The following TRABD2B variants were observed in gnomAD, a reference collection of about 807,000 sequenced individuals.
TRABD2B encodes TraB domain containing 2B, also known as metalloprotease TIKI2.
TRABD2B carries 14 observed loss-of-function variants against 40.1 expected under a neutral mutation model. The ratio of observed to expected loss-of-function variants is 0.35; its 90% CI spans 0.23 to 0.55. TRABD2B has a LOEUF of 0.55. Among genes scored for constraint, TRABD2B ranks in the 20% least tolerant of loss-of-function variants. TRABD2B has a pLI of 0.90. For synonymous variants in TRABD2B, 263 were observed against 277.0 expected (o/e 0.95, Z 0.50); for missense variants, 541 against 648.6 (o/e 0.83, Z 1.80).
intron 2 of TRABD2B, among the ~76,000 whole-genome samples, chr1:47,834,574 C>A (rs1379061662): frequency 7.6e-6 from 1 of 131,334 alleles, no homozygotes; most frequent in Admixed American, 7.8e-5. Flanking sequence ...CACACACACA[C>A]ACGCGCACAC....
chr1:47,826,450 C>G (rs1398561525), intron 2 of TRABD2B, among the ~76,000 whole-genome samples: 1 of 151,776 alleles, frequency 6.6e-6, no homozygotes, highest in African/African-American at 2.4e-5. Flanking sequence ...ATATTTATTT[C>G]AAATAAATAA....
In TRABD2B at chr1:47,813,624, G is replaced by A. The variant is rs1557587504; in HGVS notation, c.667-12005C>T. On this transcript the variant is annotated intron_variant, in intron 2 of 6. Transcript: ENST00000606738. The surrounding 1 kb of genome is among the most constrained non-coding windows in gnomAD (Gnocchi z 4.3). ...CATCTGCCAAGTGGGGTGTATATTT[G>A]TCCTGCCTGCTTGAGACTAGCATTC... 6.6e-6 allele frequency among the ~76,000 whole-genome samples: 1 copy of A among 152,116 alleles called. No individual in the cohort carries two copies. The highest frequency in any genetic ancestry group is 1.5e-5 in the Non-Finnish European group (1 of 68,022).
intron 2 of TRABD2B, among the ~76,000 whole-genome samples, chr1:47,822,670 T>C (rs1169884387): frequency 6.6e-6 from 1 of 152,242 alleles, no homozygotes; most frequent in Admixed American, 6.5e-5. Context: ...CTTTTAATCC[T>C]ATAAGGTAGC....
chr1:47,986,249 G>C (rs922916578), intron 2 of TRABD2B, among the ~76,000 whole-genome samples: 2 of 152,076 alleles, frequency 1.3e-5, no homozygotes, highest in African/African-American at 4.8e-5. Flanking sequence ...ACAAAGTTTT[G>C]ACCAAATGGG....
In TRABD2B at chr1:47,813,830, T is replaced by C. The variant is rs1489395041; in HGVS notation, c.667-12211A>G. On this transcript the variant is annotated intron_variant, in intron 2 of 6. Transcript: ENST00000606738. The surrounding 1 kb of genome is among the most constrained non-coding windows in gnomAD (Gnocchi z 4.3). ...TTTCCGTTCTCTCTTCAGTCTTCAG[T>C]ATGGACTAGTGCTAGGCTCTGTGCT... is the stretch of plus-strand genomic sequence containing the variant. Among the ~76,000 whole-genome samples, 1 of 152,210 alleles carries C rather than the reference T, an allele frequency of 6.6e-6. No individual in the cohort carries two copies. The highest frequency in any genetic ancestry group is 6.5e-5 in the Admixed American group (1 of 15,284).
chr1:47,975,900 C>T (rs951280269), intron 2 of TRABD2B, among the ~76,000 whole-genome samples: 1 of 152,136 alleles, frequency 6.6e-6, no homozygotes, highest in Non-Finnish European at 1.5e-5. Flanking sequence ...AGAGGAAGGA[C>T]AGAGGGCACC....
chr1:47,908,293 C>G (rs955070762), intron 2 of TRABD2B, among the ~76,000 whole-genome samples: 4 of 152,250 alleles, frequency 2.6e-5, no homozygotes, highest in South Asian at 2.1e-4. Flanking sequence ...GGGTATCCCA[C>G]CAGATGGTGG....
chr1:47,815,321 C>T (rs543380390), intron 2 of TRABD2B, among the ~76,000 whole-genome samples: 2 of 152,288 alleles, frequency 1.3e-5, no homozygotes, highest in South Asian at 2.1e-4. Context: ...GCAGGTCTGA[C>T]CTGGGAGGGC....
chr1:47,886,671 T>C (rs1419761713), intron 2 of TRABD2B, among the ~76,000 whole-genome samples: 1 of 152,224 alleles, frequency 6.6e-6, no homozygotes, highest in Middle Eastern at 3.2e-3. Flanking sequence ...TTCATTCTTC[T>C]ATTCCTTCAG....
intron 2 of TRABD2B, among the ~76,000 whole-genome samples, chr1:47,990,457 C>T (rs568990362): frequency 6.6e-6 from 1 of 152,022 alleles, no homozygotes; most frequent in East Asian, 1.9e-4. Context: ...AGGGGCTCAC[C>T]GCCTCCTAAT....
chr1:47,908,671 C>A (rs545120224), intron 2 of TRABD2B, among the ~76,000 whole-genome samples: 1 of 152,234 alleles, frequency 6.6e-6, no homozygotes, highest in Non-Finnish European at 1.5e-5. Flanking sequence ...CCAAGCCTCT[C>A]TGGCCTTTTC....
chr1:47,863,742 CT>C (rs1179632648), intron 2 of TRABD2B, among the ~76,000 whole-genome samples: 1 of 152,160 alleles, frequency 6.6e-6, no homozygotes, highest in Non-Finnish European at 1.5e-5. Flanking sequence ...AATCATACTC[CT>C]TGGTACTTAC....
At chr1:47,964,746 GC>G (rs1645573783) in intron 2 of TRABD2B, among the ~76,000 whole-genome samples, 1 of 152,082 alleles carries the variant, frequency 6.6e-6, no homozygotes, top group Non-Finnish European at 1.5e-5. Flanking sequence ...TGTCTAGGGA[GC>G]TCTGGGGTCC....
chr1:47,898,068 G>T (rs367585073), intron 2 of TRABD2B, among the ~76,000 whole-genome samples: 1 of 152,118 alleles, frequency 6.6e-6, no homozygotes, highest in Non-Finnish European at 1.5e-5. Flanking sequence ...CAGAATACTG[G>T]CTCAGAACAT....
chr1:47,800,346 T>C (rs1040128297), intron 3 of TRABD2B, among the ~76,000 whole-genome samples: 3 of 152,120 alleles, frequency 2.0e-5, no homozygotes, highest in African/African-American at 7.2e-5. Flanking sequence ...GAGATTTTAG[T>C]TAAATGCTGC....
chr1:47,852,531 AG>A (rs1246816242), intron 2 of TRABD2B, among the ~76,000 whole-genome samples: 1 of 152,174 alleles, frequency 6.6e-6, no homozygotes, highest in Non-Finnish European at 1.5e-5. Context: ...GCAGCCCACC[AG>A]GGCCACCATT....
Position 47,997,000 on chromosome 1 carries a change from A to G in TRABD2B, c.-211T>C, listed in dbSNP as rs563024288. 4 of 1,083,788 alleles carry G rather than the reference A, an allele frequency of 3.7e-6. No individual in the cohort carries two copies. Among genetic ancestry groups the G allele is most frequent in the Admixed American group, 1.1e-4 (2 of 19,044 alleles). 67.1% of individuals were successfully genotyped at this position (1,083,788 alleles called of 1,614,324 possible). ...GTCTGTTGGAAGAGGGAGACCCTCT[A>G]GGGCTGGGCCCCTCCCCCGGGCGCT... is the stretch of plus-strand genomic sequence containing the variant. On this transcript the variant is annotated 5_prime_UTR_variant, in exon 1 of 7. Coordinates refer to ENST00000606738, the MANE Select transcript of TRABD2B (RefSeq NM_001194986.2). This position sits in a 1 kb window ranked among gnomAD's most constrained non-coding sequence, Gnocchi z 4.6.
intron 6 of TRABD2B, among the ~76,000 whole-genome samples, chr1:47,772,744 G>A (rs1397415321): frequency 6.6e-6 from 1 of 152,080 alleles, no homozygotes; most frequent in Non-Finnish European, 1.5e-5. Flanking sequence ...ACTGCAGGAG[G>A]GTGGGATGAG....
chr1:47,907,078 G>A (rs1188639292), intron 2 of TRABD2B, among the ~76,000 whole-genome samples: 1 of 152,226 alleles, frequency 6.6e-6, no homozygotes, highest in Non-Finnish European at 1.5e-5. Flanking sequence ...GGAAGGAAGT[G>A]GGGAGTCTGG....
Sources: gnomAD v4.1 joint callset for allele counts (sites outside exome capture counted in the v4.1 genomes callset) on GRCh38, gnomAD v4.1.1 for gene constraint, Gnocchi (gnomAD v3.1) non-coding constraint, MANE v1.5 for transcripts, NCBI Gene and HGNC (gene_info 2026-07-23, HGNC 2026-07-21) for gene names.